The following KCTD18 variants were observed in gnomAD, a reference collection of about 807,000 sequenced individuals.
KCTD18 encodes the protein BTB/POZ domain-containing protein KCTD18.
In KCTD18, 22 loss-of-function variants were observed where a neutral mutation model predicts 30.4. The observed-to-expected ratio is 0.72, with a 90% CI of 0.52 to 1.03. The LOEUF (loss-of-function observed/expected upper bound fraction) is 1.03, where lower values mean the gene tolerates loss of function less well. Ranked by LOEUF, KCTD18 falls within the 50% of genes least tolerant of loss-of-function variation. The pLI is 0.00. For missense variants in KCTD18, 529 were observed against 547.6 expected (o/e 0.97, Z 0.34); for synonymous variants, 186 against 209.0 (o/e 0.89, Z 0.95).
chr2:200,492,479 G>T (rs537872899), intron 6 of KCTD18, among the ~76,000 whole-genome samples: 1 of 152,276 alleles, frequency 6.6e-6, no homozygotes, highest in South Asian at 2.1e-4. Flanking sequence ...ACAAGTGATG[G>T]TTAACTACTA....
chr2:200,502,075 G>A (rs2088094210), intron 3 of KCTD18, among the ~76,000 whole-genome samples: 1 of 151,802 alleles, frequency 6.6e-6, no homozygotes, highest in African/African-American at 2.4e-5. Flanking sequence ...CTTATAGGTG[G>A]GAATTGAACA....
At chr2:200,501,294 T>A (rs981949902) in intron 3 of KCTD18, among the ~76,000 whole-genome samples, 6 of 97,392 alleles carry the variant, frequency 6.2e-5, no homozygotes, top group African/African-American at 1.7e-4. Context: ...TGGGATCTAA[T>A]TAAACTAAAG....
chr2:200,505,666 G>T (rs1398282683), intron 2 of KCTD18, among the ~76,000 whole-genome samples: 1 of 152,008 alleles, frequency 6.6e-6, no homozygotes, highest in African/African-American at 2.4e-5. Flanking sequence ...GAGCATGTGG[G>T]GTGCTCATCA....
At chr2:200,491,043 T>A (rs2087907812) in intron 6 of KCTD18, among the ~76,000 whole-genome samples, 1 of 152,112 alleles carries the variant, frequency 6.6e-6, no homozygotes, top group African/African-American at 2.4e-5. Flanking sequence ...TTGCTTGATA[T>A]AGTTTGGCTG....
chr2:200,496,880 C>G (rs1270695246), intron 5 of KCTD18: 1 of 152,358 alleles, frequency 6.6e-6, no homozygotes, highest in Non-Finnish European at 1.5e-5. Flanking sequence ...ACAGCTCACT[C>G]CACCCTCAAA....
At position 200,499,084 on chromosome 2, in the gene KCTD18, C is replaced by G. The variant is rs754234009; in HGVS notation, c.373G>C (p.Ala125Pro). 3.1e-6 allele frequency: 5 copies of G among 1,590,292 alleles called. No homozygotes were observed. The highest frequency in any genetic ancestry group is 3.6e-5 in the Admixed American group (2 of 55,346). ...TATGAATCACAGAAGTCTGTTAAAG[C>G]CTAAAGCAAAAAGTATATATAAAAT... is the stretch of plus-strand genomic sequence containing the variant. ...SLRSNIELKKALTDFCDSYGL... is the reference protein window; with the variant it reads ...SLRSNIELKKPLTDFCDSYGL... Residue 125 changes from alanine to proline, a missense_variant and splice_region_variant, in exon 4 of 7, where the codon GCT becomes CCT. Ala to Pro is a conservative substitution (Grantham distance 27, BLOSUM62 -1). Transcript: ENST00000359878.
At position 200,490,026 on chromosome 2, in the gene KCTD18, AGT is replaced by A. The variant is rs1421652533; in HGVS notation, c.*72_*73del. ...AGCTTCCCCTCTGCTGCATTAAGAA[AGT>A]GTCACTTCTTTGCGTCGAATGGGTT... On this transcript the variant is annotated 3_prime_UTR_variant, in exon 7 of 7. Transcript: ENST00000359878. The A allele has an allele frequency of 7.0e-6, 10 of 1,438,568 alleles. No individual in the cohort carries two copies. The highest frequency in any genetic ancestry group is 2.3e-5 in the East Asian group (1 of 43,344). 89.1% of individuals were successfully genotyped at this position (1,438,568 alleles called of 1,614,324 possible).
At chr2:200,500,365 T>G (rs2088066143) in intron 3 of KCTD18, among the ~76,000 whole-genome samples, 1 of 151,814 alleles carries the variant, frequency 6.6e-6, no homozygotes, top group East Asian at 1.9e-4. Flanking sequence ...ACGACATGAT[T>G]GTATATCTAG....
At chr2:200,492,934 C>T in intron 6 of KCTD18, among the ~76,000 whole-genome samples, 1 of 152,002 alleles carries the variant, frequency 6.6e-6, no homozygotes, top group East Asian at 1.9e-4. Flanking sequence ...TTTAGAATCA[C>T]TCTCTCAATA....
Position 200,489,998 on chromosome 2 carries a change from C to T in KCTD18, c.*102G>A, listed in dbSNP as rs2087881109. The T allele has an allele frequency of 4.0e-6, 5 of 1,250,422 alleles. No individual in the cohort carries two copies. In the South Asian group the frequency reaches 6.3e-5, roughly 16 times the overall value. 77.5% of individuals were successfully genotyped at this position (1,250,422 alleles called of 1,614,324 possible). The stretch of plus-strand genomic sequence containing the variant: ...CAGGAACAGAATCCTCAACATAAAC[C>T]TAAGCTTCCCCTCTGCTGCATTAAG... On this transcript the variant is annotated 3_prime_UTR_variant, in exon 7 of 7. Transcript: ENST00000359878.
At position 200,490,474 on chromosome 2, in the gene KCTD18, T is replaced by C. The variant is rs1371266997; in HGVS notation, c.907A>G (p.Ile303Val). The C allele has an allele frequency of 6.2e-7, 1 of 1,613,094 alleles. No individual in the cohort carries two copies. Among genetic ancestry groups the C allele is most frequent in the East Asian group, 2.2e-5 (1 of 44,888 alleles). The change falls in exon 7 of 7, where the codon ATC becomes GTC. Residue 303 changes from isoleucine to valine, a missense_variant. Coordinates refer to ENST00000359878, the MANE Select transcript of KCTD18 (RefSeq NM_152387.4). ...ASVTVSPASA[I>V]QTSAGATANR... ...GCTGTCGCCCCAGCCGACGTCTGGA[T>C]GGCACTGGCTGGAGACACCGTGACT...
chr2:200,500,349 T>C (rs2088065866), intron 3 of KCTD18, among the ~76,000 whole-genome samples: 1 of 151,452 alleles, frequency 6.6e-6, no homozygotes, highest in Admixed American at 6.6e-5. Flanking sequence ...TTGTCCCTGT[T>C]TGCAGACGAC....
chr2:200,490,358 C>T lies in KCTD18; in HGVS notation c.1023G>A (p.Gly341=). 6.2e-7 allele frequency: 1 copy of T among 1,614,234 alleles called. No individual in the cohort carries two copies. The highest frequency in any genetic ancestry group is 1.1e-5 in the South Asian group (1 of 91,092). ...CAGCCCCAGGGGAAGCCTGAGGATG[C>T]CCAGGTGCCCCCGTGCCCACCAGGG... is the stretch of plus-strand genomic sequence containing the variant. ...ATALVGTGAP[G]HPQASPGAAS... The change falls in exon 7 of 7, where the codon GGG becomes GGA. Residue 341 remains glycine, a synonymous_variant. Transcript: ENST00000359878.
intron 1 of KCTD18, among the ~76,000 whole-genome samples, chr2:200,508,878 A>G (rs1300069444): frequency 2.0e-5 from 3 of 152,124 alleles, no homozygotes; most frequent in Non-Finnish European, 4.4e-5. Flanking sequence ...CTGGAATCCT[A>G]TCTATTCTTC....
chr2:200,506,743 C>T, intron 2 of KCTD18, 114 bp downstream of exon 2: 2 of 872,542 alleles, frequency 2.3e-6, no homozygotes, highest in Non-Finnish European at 3.6e-6. Context: ...TCCTAATGAT[C>T]TCAGTAATTA....
intron 6 of KCTD18, 70 bp downstream of exon 6, chr2:200,493,102 C>A: frequency 1.2e-6 from 1 of 845,250 alleles, no homozygotes; most frequent in Non-Finnish European, 2.0e-6. Context: ...ATTCATTTTC[C>A]CTTCACAAAG....
chr2:200,508,282 G>A (rs536432895), intron 1 of KCTD18, among the ~76,000 whole-genome samples: 4 of 152,200 alleles, frequency 2.6e-5, no homozygotes, highest in African/African-American at 9.6e-5. Context: ...TAGAGACGGC[G>A]TTTCACCATA....
intron 4 of KCTD18, among the ~76,000 whole-genome samples, chr2:200,498,582 C>A (rs1469853412): frequency 6.6e-6 from 1 of 152,204 alleles, no homozygotes; most frequent in African/African-American, 2.4e-5. Flanking sequence ...AGGCATGTGG[C>A]TTTTCTTTTT....
At chr2:200,499,932 T>C (rs1489005593) in intron 3 of KCTD18, among the ~76,000 whole-genome samples, 1 of 151,472 alleles carries the variant, frequency 6.6e-6, no homozygotes. Flanking sequence ...TTATCCACCA[T>C]GATCAAGTGG....
Sources: gnomAD v4.1 joint callset for allele counts (sites outside exome capture counted in the v4.1 genomes callset) on GRCh38, gnomAD v4.1.1 for gene constraint, MANE v1.5 for transcripts, NCBI Gene and HGNC (gene_info 2026-07-23, HGNC 2026-07-21) for gene names.